ZMYM1: variants seen among roughly 807,000 people sequenced by gnomAD.
ZMYM1 encodes the protein zinc finger MYM-type protein 1.
A neutral mutation model predicts 60.0 loss-of-function variants in ZMYM1; 39 were observed. That is an observed-to-expected ratio of 0.65 (90% CI 0.50 to 0.85). The LOEUF (loss-of-function observed/expected upper bound fraction) is 0.85. ZMYM1 is among the 40% of genes least tolerant of loss of function. The probability of loss-of-function intolerance (pLI) is 0.00; values close to 1 mark genes in which losing one functional copy is unlikely to be tolerated. For missense variants in ZMYM1, 1,171 were observed against 1,309.5 expected (o/e 0.89, Z 1.63); for synonymous variants, 413 against 454.0 (o/e 0.91, Z 1.15).
chr1:35,102,304 A>T (rs1187030652), intron 4 of ZMYM1, among the ~76,000 whole-genome samples: 1 of 152,084 alleles, frequency 6.6e-6, no homozygotes, highest in Non-Finnish European at 1.5e-5. Context: ...AACTTTTTGC[A>T]CTCTGTTATG....
intron 1 of ZMYM1, among the ~76,000 whole-genome samples, chr1:35,066,219 C>T (rs566141085): frequency 4.1e-4 from 62 of 152,302 alleles, no homozygotes; most frequent in South Asian, 2.5e-3. Context: ...TTTTTTGAGA[C>T]GGAGTCTCTC....
intron 6 of ZMYM1, among the ~76,000 whole-genome samples, chr1:35,108,216 A>C (rs1643958502): frequency 6.6e-6 from 1 of 152,242 alleles, no homozygotes; most frequent in African/African-American, 2.4e-5. Flanking sequence ...TGTTCATACT[A>C]ATAAAGGATA....
In ZMYM1 at chr1:35,110,446, A is replaced by G; in HGVS notation, c.960A>G (p.Ser320=). ...GTAAAGCTAAGATGGAATCTTCTTC[A>G]GGTAATGTTTGTTTAGCAATTGTAG... ...AYSKAKMESS[S]VSVVSVVHDT... The change falls in exon 7 of 10, where the codon TCA becomes TCG. Residue 320 remains serine (S), a splice_region_variant and synonymous_variant. Coordinates refer to ENST00000359858, the MANE Select transcript of ZMYM1 (RefSeq NM_024772.5). The G allele has an allele frequency of 6.7e-7, 1 of 1,494,548 alleles. No individual in the cohort carries two copies. The highest frequency in any genetic ancestry group is 8.9e-7 in the Non-Finnish European group (1 of 1,125,550). 92.6% of individuals were successfully genotyped at this position (1,494,548 alleles called of 1,614,324 possible). A position where few individuals can be genotyped will look rare whatever the true frequency, so the allele number is the denominator to read the frequency against.
chr1:35,097,281 T>C, intron 3 of ZMYM1, 36 bp from the exon 4 acceptor site: 1 of 1,545,380 alleles, frequency 6.5e-7, no homozygotes, highest in Non-Finnish European at 8.7e-7. Flanking sequence ...TTTGTGTAAA[T>C]AACAATTTTT....
At position 35,100,000 on chromosome 1, in the gene ZMYM1, C is replaced by T. The variant is rs1643555404; in HGVS notation, c.419+2434C>T. Among the ~76,000 whole-genome samples the T allele has an allele frequency of 2.0e-5, 3 of 152,180 alleles. No homozygotes were observed. In the South Asian group the frequency reaches 6.2e-4, roughly 32 times the overall value. On this transcript the variant is annotated intron_variant, in intron 4 of 9. Transcript: ENST00000359858. The stretch of plus-strand genomic sequence containing the variant: ...CCACCTCCTGGGTTCAAGCAATTCT[C>T]CTGCCTCAGCCTCCCAAGTAGCTGG...
chr1:35,105,462 C>CTG (rs779791541), intron 6 of ZMYM1, among the ~76,000 whole-genome samples: 14 of 151,878 alleles, frequency 9.2e-5, no homozygotes, highest in Admixed American at 6.6e-5. Context: ...GAGACGGAGT[C>CTG]TCGCTGTCTT....
chr1:35,081,374 C>CT (rs1557638688), intron 1 of ZMYM1, among the ~76,000 whole-genome samples: 23 of 151,424 alleles, frequency 1.5e-4, no homozygotes, highest in African/African-American at 5.6e-4. Flanking sequence ...GCCCTTCCAA[C>CT]ATTTTTTTTT....
chr1:35,072,479 A>AT (rs150590544), intron 1 of ZMYM1, among the ~76,000 whole-genome samples: 17 of 144,080 alleles, frequency 1.2e-4, no homozygotes, highest in South Asian at 6.7e-4. Context: ...AAGTTTGTTA[A>AT]TTTTTTTTTC....
intron 4 of ZMYM1, among the ~76,000 whole-genome samples, chr1:35,100,774 T>G (rs1016369526): frequency 6.6e-6 from 1 of 152,094 alleles, no homozygotes; most frequent in African/African-American, 2.4e-5. Flanking sequence ...TTTGATTTAT[T>G]TATCGGAAAG....
intron 1 of ZMYM1, among the ~76,000 whole-genome samples, chr1:35,065,199 A>G (rs1010924621): frequency 4.0e-5 from 6 of 151,746 alleles, no homozygotes; most frequent in African/African-American, 1.5e-4. Flanking sequence ...TAGCTAGACC[A>G]TTGTCTTCCC....
chr1:35,114,896 C>G lies in ZMYM1; in HGVS notation c.3066C>G (p.Asp1022Glu), dbSNP rs779950653. The change falls in exon 10 of 10, where the codon GAC (aspartate) becomes GAG (glutamate). Residue 1022 changes from aspartate (D) to glutamate (E), a missense_variant. By Grantham distance (45) the Asp-to-Glu change is conservative (BLOSUM62 2). Transcript: ENST00000359858. Reference sequence around the variant, plus strand: ...AGGAATTTTATAAACTTGATGAGGACATTATCCCAGAACTTAGATTTTATC... The same window carrying G: ...AGGAATTTTATAAACTTGATGAGGAGATTATCCCAGAACTTAGATTTTATC... ...HVQEFYKLDE[D>E]IIPELRFYRH... is the part of the protein sequence containing the mutation. 2.5e-6 allele frequency: 4 copies of G among 1,610,710 alleles called. No homozygotes were observed. The highest frequency in any genetic ancestry group is 8.5e-7 in the Non-Finnish European group (1 of 1,177,406).
Position 35,113,621 on chromosome 1 carries a change from A to C in ZMYM1, c.1791A>C (p.Lys597Asn). ...TGTTAGAAATGAGAGCAAAAGATAA[A>C]GGAGAAGAAACATTTCGACTTATGA... ...LELLEMRAKD[K>N]GEETFRLMNS... Residue 597 changes from lysine to asparagine, a missense_variant, in exon 10 of 10, where the codon AAA (lysine) becomes AAC (asparagine). By Grantham distance (94) the Lys-to-Asn change is moderately conservative. Transcript: ENST00000359858. 1.2e-6 allele frequency: 2 copies of C among 1,613,526 alleles called. No homozygotes were observed. The highest frequency in any genetic ancestry group is 1.7e-6 in the Non-Finnish European group (2 of 1,179,786).
chr1:35,090,651 CTT>C (rs1642946402), intron 1 of ZMYM1, among the ~76,000 whole-genome samples: 1 of 152,126 alleles, frequency 6.6e-6, no homozygotes, highest in Non-Finnish European at 1.5e-5. Flanking sequence ...GGAAAATAGA[CTT>C]AAGACTTATT....
At chr1:35,100,265 T>C (rs1473424930) in intron 4 of ZMYM1, among the ~76,000 whole-genome samples, 1 of 152,148 alleles carries the variant, frequency 6.6e-6, no homozygotes, top group Non-Finnish European at 1.5e-5. Context: ...GCACTTTTTA[T>C]TCTATTTCAT....
chr1:35,091,118 A>G (rs923397660), intron 1 of ZMYM1, among the ~76,000 whole-genome samples: 1 of 152,194 alleles, frequency 6.6e-6, no homozygotes, highest in African/African-American at 2.4e-5. Flanking sequence ...TTGTGGGGGT[A>G]ATAAAAGAAT....
In ZMYM1 at chr1:35,104,306, A is replaced by G. The variant is rs1481114071; in HGVS notation, c.431A>G (p.Asn144Ser). 1 of 1,579,192 alleles carries G rather than the reference A, an allele frequency of 6.3e-7. No individual in the cohort carries two copies. Among genetic ancestry groups the G allele is most frequent in the Non-Finnish European group, 8.6e-7 (1 of 1,166,628 alleles). Residue 144 changes from asparagine to serine, a missense_variant, in exon 5 of 10, where the codon AAT becomes AGT. Asn to Ser is a conservative substitution (Grantham distance 46). Transcript: ENST00000359858. ...TCSNCSKDILNPKDVISVQLE... is the reference protein window; with the variant it reads ...TCSNCSKDILSPKDVISVQLE... ...TTATTTATTCTTAGAGACATTTTAA[A>G]TCCAAAGGATGTGATTAGTGTCCAG... is the stretch of plus-strand genomic sequence containing the variant.
rs950844587 is a variant in ZMYM1 at position 35,094,099 on chromosome 1, T to C, written c.96+16T>C. 1.4e-5 allele frequency: 23 copies of C among 1,589,792 alleles called. No homozygotes were observed. The highest frequency in any genetic ancestry group is 2.7e-5 in the African/African-American group (2 of 73,884). ...CAATGCTCAAGTAAATATTTTCCCT[T>C]ATTTCCATTATTTCTAGAGCAGCAT... On this transcript the variant is annotated intron_variant, in intron 2 of 9. Coordinates refer to ENST00000359858, the MANE Select transcript of ZMYM1 (RefSeq NM_024772.5).
chr1:35,071,942 A>G (rs961292070), intron 1 of ZMYM1, among the ~76,000 whole-genome samples: 1 of 152,134 alleles, frequency 6.6e-6, no homozygotes, highest in East Asian at 1.9e-4. Context: ...AGTTCGAACC[A>G]GCCTGACCAA....
At chr1:35,083,634 G>A (rs1642504361) in intron 1 of ZMYM1, among the ~76,000 whole-genome samples, 1 of 150,612 alleles carries the variant, frequency 6.6e-6, no homozygotes, top group African/African-American at 2.4e-5. Context: ...GTTTTTTTTC[G>A]AGACAGTGTC....
Sources: gnomAD v4.1 joint callset for allele counts (sites outside exome capture counted in the v4.1 genomes callset) on GRCh38, gnomAD v4.1.1 for gene constraint, MANE v1.5 for transcripts, NCBI Gene and HGNC (gene_info 2026-07-23, HGNC 2026-07-21) for gene names.